The following ABHD16A variants were observed in gnomAD, a reference collection of about 807,000 sequenced individuals.
ABHD16A encodes abhydrolase domain containing 16A, phospholipase.
Under a neutral mutation model 89.8 loss-of-function variants are expected in ABHD16A, and 47 were observed. The ratio of observed to expected loss-of-function variants is 0.52; its 90% CI spans 0.41 to 0.67. The LOEUF (loss-of-function observed/expected upper bound fraction) is 0.67. Among genes scored for constraint, ABHD16A ranks in the 30% least tolerant of loss-of-function variants. The pLI is 0.00. For synonymous variants in ABHD16A, 251 were observed against 280.4 expected (o/e 0.90, Z 1.05); for missense variants, 580 against 734.6 (o/e 0.79, Z 2.43).
rs1384639329 is a variant in ABHD16A at position 31,688,720 on chromosome 6, C to T, written c.1250+3G>A. The stretch of plus-strand genomic sequence containing the variant: ...TCAATGCCGGACGCTGGCCGGCCCT[C>T]ACCTGCACAGCTGCTCCGCGTTGTT... On this transcript the variant is annotated splice_donor_region_variant and intron_variant, in intron 14 of 19. Coordinates refer to ENST00000395952, the MANE Select transcript of ABHD16A (RefSeq NM_021160.3). The surrounding 1 kb of genome is among the most constrained non-coding windows in gnomAD (Gnocchi z 4.9). The T allele has an allele frequency of 6.2e-7, 1 of 1,612,960 alleles. No homozygotes were observed. The highest frequency in any genetic ancestry group is 8.5e-7 in the Non-Finnish European group (1 of 1,179,984).
chr6:31,692,897 T>A (rs1160387474), intron 7 of ABHD16A, 130 bp downstream of exon 7: 14 of 1,261,582 alleles, frequency 1.1e-5, no homozygotes, highest in Non-Finnish European at 1.6e-5. Context: ...TTGCCATAAA[T>A]GATCTACACA....
chr6:31,697,334 A>G (rs1190859238), intron 4 of ABHD16A, among the ~76,000 whole-genome samples: 1 of 152,068 alleles, frequency 6.6e-6, no homozygotes, highest in Non-Finnish European at 1.5e-5. Flanking sequence ...CTGTCATATA[A>G]CCTATTAAAT....
chr6:31,691,156 C>G (rs1803840970), intron 9 of ABHD16A, among the ~76,000 whole-genome samples: 1 of 152,088 alleles, frequency 6.6e-6, no homozygotes, highest in Non-Finnish European at 1.5e-5. Context: ...GACTTTGAGG[C>G]CAGGCTGCCT....
chr6:31,696,636 A>G (rs1217810613), intron 5 of ABHD16A, among the ~76,000 whole-genome samples: 3 of 151,676 alleles, frequency 2.0e-5, no homozygotes, highest in Non-Finnish European at 4.4e-5. Flanking sequence ...TCCATCTCAA[A>G]AAAAAAAAAA....
chr6:31,695,254 A>G (rs1433849243), intron 5 of ABHD16A, among the ~76,000 whole-genome samples: 1 of 152,186 alleles, frequency 6.6e-6, no homozygotes, highest in African/African-American at 2.4e-5. Context: ...TTCCCAAGAC[A>G]CTGAGCCCTA....
At chr6:31,697,142 T>A in intron 4 of ABHD16A, 109 bp from the exon 5 acceptor site, 2 of 1,042,918 alleles carry the variant, frequency 1.9e-6, no homozygotes, top group Non-Finnish European at 2.9e-6. Context: ...TAAGAAAAAG[T>A]GAAAGAAAAA....
rs1803379432 is a variant in ABHD16A at position 31,687,233 on chromosome 6, G to C, written c.1656C>G (p.Phe552Leu). The change falls in exon 20 of 20, where the codon TTC becomes TTG. Residue 552 changes from phenylalanine to leucine, a missense_variant. Around this residue, in one of 2 missense-constraint regions of ABHD16A, gnomAD observed 415 missense variants for 568.8 expected, o/e 0.73. Transcript: ENST00000395952. The surrounding 1 kb of genome is among the most constrained non-coding windows in gnomAD (Gnocchi z 6.3). ...GTCCCTAGAGGTGCCAGGGCATCTG[G>C]AAGTTCTGGGCTGGGAGTGGGGTGC... is the stretch of plus-strand genomic sequence containing the variant. ...THCTPLPAQNFQMPWHL is the reference protein window; with the variant it reads ...THCTPLPAQNLQMPWHL The C allele has an allele frequency of 3.7e-6, 6 of 1,612,932 alleles. No homozygotes were observed. Among genetic ancestry groups the C allele is most frequent in the Non-Finnish European group, 4.2e-6 (5 of 1,179,962 alleles).
intron 5 of ABHD16A, among the ~76,000 whole-genome samples, chr6:31,696,060 G>C (rs1477948217): frequency 2.7e-5 from 4 of 150,854 alleles, no homozygotes; most frequent in Non-Finnish European, 5.9e-5. Context: ...GCTACTCAGG[G>C]GGCTGAGGCA....
intron 5 of ABHD16A, among the ~76,000 whole-genome samples, chr6:31,695,606 C>T (rs1354831775): frequency 6.6e-6 from 1 of 152,148 alleles, no homozygotes; most frequent in Non-Finnish European, 1.5e-5. Flanking sequence ...GCCTGTAATC[C>T]CAGCTACTTG....
rs1803364917 is a variant in ABHD16A, at chr6:31,687,117, T to C, written c.*95A>G. 1.6e-6 allele frequency: 2 copies of C among 1,255,580 alleles called. No individual in the cohort carries two copies. The highest frequency in any genetic ancestry group is 1.1e-6 in the Non-Finnish European group (1 of 892,822). The allele number at this position is 1,255,580 out of a possible 1,614,324, so 77.8% of individuals were successfully genotyped here. ...ATGGTCCCCCACTTTCCACAAACTA[T>C]AAACAGCAACATGAACACAGAGAAT... On this transcript the variant is annotated 3_prime_UTR_variant, in exon 20 of 20. Coordinates refer to ENST00000395952, the MANE Select transcript of ABHD16A (RefSeq NM_021160.3). The surrounding 1 kb of genome is among the most constrained non-coding windows in gnomAD (Gnocchi z 6.3).
chr6:31,702,942 A>C (rs1212070866), intron 1 of ABHD16A: 4 of 1,296,112 alleles, frequency 3.1e-6, no homozygotes, highest in Non-Finnish European at 2.9e-6. Flanking sequence ...AGTCGGAATG[A>C]GAAAGCGGTA....
In ABHD16A at chr6:31,687,795, G is replaced by C. The variant is rs762820889; in HGVS notation, c.1447+29C>G. 8.7e-6 allele frequency: 14 copies of C among 1,612,674 alleles called. No homozygotes were observed. Among genetic ancestry groups the C allele is most frequent in the Middle Eastern group, 3.3e-4 (2 of 6,084 alleles). On this transcript the variant is annotated intron_variant, in intron 17 of 19. Transcript: ENST00000395952. This position sits in a 1 kb window ranked among gnomAD's most constrained non-coding sequence, Gnocchi z 6.3. ...AGCAACCTGACCTTGCTGGGCCCCCGCCCCAAGCCTCACTGGATCCCTTCT... is the reference window on the plus strand; with the variant it reads ...AGCAACCTGACCTTGCTGGGCCCCCCCCCCAAGCCTCACTGGATCCCTTCT...
In ABHD16A at chr6:31,690,414, C is replaced by A; in HGVS notation, c.907+125G>T. ...AAGCAAATGGCGAGTGGACTTTTCC[C>A]TAAAGCTGAGAGACTCAAAACCTCA... On this transcript the variant is annotated intron_variant, in intron 10 of 19. Coordinates refer to ENST00000395952, the MANE Select transcript of ABHD16A (RefSeq NM_021160.3). The surrounding 1 kb of genome is among the most constrained non-coding windows in gnomAD (Gnocchi z 4.1). 2.7e-6 allele frequency: 3 copies of A among 1,098,644 alleles called. No homozygotes were observed. The highest frequency in any genetic ancestry group is 2.7e-6 in the Non-Finnish European group (2 of 727,824). 68.1% of individuals were successfully genotyped at this position (1,098,644 alleles called of 1,614,324 possible).
rs767969161 is a variant in ABHD16A at position 31,686,956 on chromosome 6, G to T, written c.*256C>A. ...ACTTGAGAAGTTATACAATTAGCCT[G>T]ATAGTAGAAAAAATACCTTTTTATT... On this transcript the variant is annotated 3_prime_UTR_variant, in exon 20 of 20. Coordinates refer to ENST00000395952, the MANE Select transcript of ABHD16A (RefSeq NM_021160.3). This position sits in a 1 kb window ranked among gnomAD's most constrained non-coding sequence, Gnocchi z 4.3. The T allele has an allele frequency of 3.8e-6, 2 of 530,516 alleles. No homozygotes were observed. Among genetic ancestry groups the T allele is most frequent in the Non-Finnish European group, 6.7e-6 (2 of 300,634 alleles). The allele number at this position is 530,516 out of a possible 1,614,324, so 32.9% of individuals were successfully genotyped here. A position where few individuals can be genotyped will look rare whatever the true frequency, so the allele number is the denominator to read the frequency against.
chr6:31,696,320 C>T (rs1028346066), intron 5 of ABHD16A, among the ~76,000 whole-genome samples: 1 of 148,326 alleles, frequency 6.7e-6, no homozygotes, highest in Non-Finnish European at 1.5e-5. Context: ...AAGAGTGAGA[C>T]TCTGTCTCAA....
chr6:31,701,602 C>G (rs966563665), intron 2 of ABHD16A, among the ~76,000 whole-genome samples: 8 of 152,174 alleles, frequency 5.3e-5, no homozygotes, highest in Non-Finnish European at 1.2e-4. Context: ...CATCTCCAGA[C>G]ATAATTCCAT....
chr6:31,697,300 T>C (rs1050790836), intron 4 of ABHD16A, among the ~76,000 whole-genome samples: 3 of 152,164 alleles, frequency 2.0e-5, no homozygotes, highest in African/African-American at 4.8e-5. Context: ...TTCCAGAATG[T>C]TCCTCTTCCT....
At position 31,687,907 on chromosome 6, in the gene ABHD16A, A is replaced by G. The variant is rs1328966498; in HGVS notation, c.1371-7T>C. 6.2e-7 allele frequency: 1 copy of G among 1,612,756 alleles called. No homozygotes were observed. Among genetic ancestry groups the G allele is most frequent in the Non-Finnish European group, 8.5e-7 (1 of 1,179,996 alleles). ...TGCCATCACCCGGGGATACCTACGG[A>G]GGAAGTGCCAGGACAGGTCAGGGCT... On this transcript the variant is annotated splice_polypyrimidine_tract_variant and splice_region_variant and intron_variant, in intron 16 of 19. Transcript: ENST00000395952. This position sits in a 1 kb window ranked among gnomAD's most constrained non-coding sequence, Gnocchi z 6.3.
Position 31,693,581 on chromosome 6 carries a change from T to G in ABHD16A, c.430-149A>C. 1 of 722,308 alleles carries G rather than the reference T, an allele frequency of 1.4e-6. No individual in the cohort carries two copies. Among genetic ancestry groups the G allele is most frequent in the Non-Finnish European group, 2.3e-6 (1 of 426,400 alleles). The allele number at this position is 722,308 out of a possible 1,614,324, so 44.7% of individuals were successfully genotyped here. A position where few individuals can be genotyped will look rare whatever the true frequency, so the allele number is the denominator to read the frequency against. On this transcript the variant is annotated intron_variant, in intron 5 of 19. Transcript: ENST00000395952. The surrounding 1 kb of genome is among the most constrained non-coding windows in gnomAD (Gnocchi z 5.0). ...GGTCAATACCCTCCCAATTCTCAGA[T>G]GGAAAATTCTAACAGGACCAGAAAA...
Sources: gnomAD v4.1 joint callset for allele counts (sites outside exome capture counted in the v4.1 genomes callset) on GRCh38, gnomAD v4.1.1 for gene constraint, gnomAD v4.1.1 regional missense constraint, Gnocchi (gnomAD v3.1) non-coding constraint, MANE v1.5 for transcripts, NCBI Gene and HGNC (gene_info 2026-07-23, HGNC 2026-07-21) for gene names.